Variants in SLC9A9 observed in about 807,000 individuals in gnomAD.
SLC9A9 encodes the protein solute carrier family 9 member A9.
A neutral mutation model predicts 77.8 loss-of-function variants in SLC9A9; 62 were observed. The observed-to-expected ratio is 0.80, with a 90% CI of 0.65 to 0.98. The LOEUF is 0.98. SLC9A9 is among the 50% of genes least tolerant of loss of function. The pLI is 0.00. For synonymous variants in SLC9A9, 320 were observed against 283.5 expected (o/e 1.13, Z -1.29); for missense variants, 775 against 774.9 (o/e 1.00, Z 0.00).
chr3:143,393,697 C>T (rs530171482), intron 12 of SLC9A9, among the ~76,000 whole-genome samples: 5 of 152,114 alleles, frequency 3.3e-5, no homozygotes, highest in African/African-American at 1.2e-4. Context: ...AATTGATAGA[C>T]CGCTAGCAAG....
chr3:143,837,199 C>A (rs773992147), intron 1 of SLC9A9, among the ~76,000 whole-genome samples: 1 of 152,210 alleles, frequency 6.6e-6, no homozygotes, highest in Non-Finnish European at 1.5e-5. Flanking sequence ...CACCATCACA[C>A]AGAGTTCCCT....
At chr3:143,397,683 T>C (rs2033760644) in intron 12 of SLC9A9, among the ~76,000 whole-genome samples, 1 of 152,162 alleles carries the variant, frequency 6.6e-6, no homozygotes, top group Non-Finnish European at 1.5e-5. Context: ...AGACCATGCT[T>C]GGTGTGCACC....
intron 14 of SLC9A9, among the ~76,000 whole-genome samples, chr3:143,341,712 G>C (rs1170476216): frequency 6.6e-6 from 1 of 152,148 alleles, no homozygotes; most frequent in Non-Finnish European, 1.5e-5. Flanking sequence ...ACAGAACACA[G>C]TGTTATATAG....
intron 11 of SLC9A9, among the ~76,000 whole-genome samples, chr3:143,469,621 C>T (rs1440639822): frequency 1.3e-5 from 2 of 152,158 alleles, no homozygotes; most frequent in Non-Finnish European, 2.9e-5. Flanking sequence ...GAATATAACG[C>T]TCCTTTCTTA....
chr3:143,771,871 T>C (rs1252705752), intron 4 of SLC9A9, among the ~76,000 whole-genome samples: 1 of 152,114 alleles, frequency 6.6e-6, no homozygotes, highest in East Asian at 1.9e-4. Flanking sequence ...CATCTCATTC[T>C]TGAGGGGATG....
At chr3:143,661,067 A>G (rs1241486595) in intron 5 of SLC9A9, among the ~76,000 whole-genome samples, 2 of 152,160 alleles carry the variant, frequency 1.3e-5, no homozygotes, top group African/African-American at 4.8e-5. Flanking sequence ...TATCTGGGCT[A>G]CATTGTTGAG....
intron 9 of SLC9A9, among the ~76,000 whole-genome samples, chr3:143,548,515 CTTGATGTG>C (rs1301682984): frequency 2.0e-5 from 3 of 152,128 alleles, no homozygotes; most frequent in Non-Finnish European, 4.4e-5. Flanking sequence ...GTCTCTAGGA[CTTGATGTG>C]CACACCCTAA....
At chr3:143,423,248 T>TACACAC (rs377276883) in intron 12 of SLC9A9, among the ~76,000 whole-genome samples, 23,963 of 143,630 alleles carry the variant, frequency 0.17, 2,194 homozygotes, top group Non-Finnish European at 0.22. Flanking sequence ...CACGCGCGTG[T>TACACAC]ACACACACAC....
chr3:143,651,555 C>G (rs945017614), intron 6 of SLC9A9, among the ~76,000 whole-genome samples: 4 of 152,172 alleles, frequency 2.6e-5, no homozygotes. Flanking sequence ...GGATATCTGA[C>G]AGTTGCCCAA....
At chr3:143,468,882 C>G (rs531120232) in intron 11 of SLC9A9, among the ~76,000 whole-genome samples, 1 of 152,246 alleles carries the variant, frequency 6.6e-6, no homozygotes, top group African/African-American at 2.4e-5. Flanking sequence ...AGATGAAGGG[C>G]TGGGCATGGT....
intron 13 of SLC9A9, among the ~76,000 whole-genome samples, chr3:143,369,295 G>T (rs576861673): frequency 6.6e-6 from 1 of 152,216 alleles, no homozygotes; most frequent in South Asian, 2.1e-4. Context: ...TTAAAACATG[G>T]AACTTACCTG....
At chr3:143,431,021 C>T (rs2034503609) in intron 12 of SLC9A9, among the ~76,000 whole-genome samples, 1 of 152,174 alleles carries the variant, frequency 6.6e-6, no homozygotes, top group African/African-American at 2.4e-5. Flanking sequence ...GGACTGCTTC[C>T]TCTAGGTTTC....
intron 12 of SLC9A9, among the ~76,000 whole-genome samples, chr3:143,454,450 A>G (rs1029503322): frequency 5.9e-5 from 9 of 152,170 alleles, no homozygotes; most frequent in Non-Finnish European, 8.8e-5. Flanking sequence ...TCGAAGTTTT[A>G]TAGTTTTATA....
rs562270681 is a variant in SLC9A9 at position 143,528,370 on chromosome 3, C to T, written c.1089+23992G>A. 1.1e-4 allele frequency among the ~76,000 whole-genome samples: 16 copies of T among 152,304 alleles called. No homozygotes were observed. In the South Asian group the frequency reaches 1.2e-3, roughly 12 times the overall value. Reference sequence around the variant, plus strand: ...CAGTTGTCTGTACATGATAGGCCCTCAATAAATCTTACCTAGTATTATGAT... The same window carrying T: ...CAGTTGTCTGTACATGATAGGCCCTTAATAAATCTTACCTAGTATTATGAT... On this transcript the variant is annotated intron_variant, in intron 9 of 15. Transcript: ENST00000316549.
At chr3:143,409,046 C>T (rs1449377491) in intron 12 of SLC9A9, among the ~76,000 whole-genome samples, 2 of 152,174 alleles carry the variant, frequency 1.3e-5, no homozygotes, top group East Asian at 1.9e-4. Context: ...TACCAGTTTT[C>T]TCTAGTGATT....
At chr3:143,625,511 G>A (rs1237558911) in intron 6 of SLC9A9, among the ~76,000 whole-genome samples, 2 of 152,128 alleles carry the variant, frequency 1.3e-5, no homozygotes, top group Non-Finnish European at 2.9e-5. Context: ...ACAAACAATG[G>A]GGAAAAGATT....
chr3:143,589,691 G>A (rs1485263245), intron 6 of SLC9A9, among the ~76,000 whole-genome samples: 4 of 152,126 alleles, frequency 2.6e-5, no homozygotes, highest in Non-Finnish European at 5.9e-5. Flanking sequence ...TTTAAGACAT[G>A]CATGACTGTA....
At chr3:143,796,791 A>G (rs2008397280) in intron 3 of SLC9A9, 35 bp downstream of exon 3, 1 of 1,474,390 alleles carries the variant, frequency 6.8e-7, no homozygotes, top group South Asian at 1.2e-5. Flanking sequence ...TCTCTACTTA[A>G]TGATAAAAGA....
At chr3:143,339,821 T>G (rs6806677) in intron 14 of SLC9A9, among the ~76,000 whole-genome samples, 81,158 of 151,966 alleles carry the variant, frequency 0.53, 23,285 homozygotes, top group African/African-American at 0.74. Flanking sequence ...TGTTGCTCAA[T>G]TCACTGTTTT....
Sources: gnomAD v4.1 joint callset for allele counts (sites outside exome capture counted in the v4.1 genomes callset) on GRCh38, gnomAD v4.1.1 for gene constraint, MANE v1.5 for transcripts, NCBI Gene and HGNC (gene_info 2026-07-23, HGNC 2026-07-21) for gene names.